SLC32A1: variants seen among roughly 807,000 people sequenced by gnomAD.
SLC32A1 encodes solute carrier family 32 member 1.
A neutral mutation model predicts 35.5 loss-of-function variants in SLC32A1; 8 were observed. The observed-to-expected ratio is 0.23, with a 90% CI of 0.13 to 0.41. The LOEUF (loss-of-function observed/expected upper bound fraction) is 0.41. Among genes scored for constraint, SLC32A1 ranks in the 10% least tolerant of loss-of-function variants. The pLI, the probability that SLC32A1 is intolerant of heterozygous loss-of-function variation, is 1.00. For synonymous variants in SLC32A1, 317 were observed against 326.3 expected (o/e 0.97, Z 0.31); for missense variants, 493 against 722.3 (o/e 0.68, Z 3.64).
rs756349613 is a variant in SLC32A1 at position 38,724,835 on chromosome 20, G to A, written c.111G>A (p.Thr37=). ...MFARMGFQAA[T]DEEAVGFAHC... is the part of the protein sequence containing the mutation. ...CCAGGATGGGTTTTCAGGCGGCCACGGATGAGGAGGCGGTGGGCTTCGCGC... is the reference window on the plus strand; with the variant it reads ...CCAGGATGGGTTTTCAGGCGGCCACAGATGAGGAGGCGGTGGGCTTCGCGC... Residue 37 remains threonine, a synonymous_variant, in exon 1 of 2, where the codon ACG becomes ACA. Coordinates refer to ENST00000217420, the MANE Select transcript of SLC32A1 (RefSeq NM_080552.3). The A allele has an allele frequency of 1.2e-5, 20 of 1,613,940 alleles. No individual in the cohort carries two copies. The highest frequency in any genetic ancestry group is 1.7e-5 in the Non-Finnish European group (20 of 1,179,992).
chr20:38,724,493 TA>T lies in SLC32A1; in HGVS notation c.-231del, dbSNP rs1232760672. 2.6e-5 allele frequency: 14 copies of T among 531,246 alleles called. No homozygotes were observed. The highest frequency in any genetic ancestry group is 5.1e-4 in the Middle Eastern group (1 of 1,944). 32.9% of individuals were successfully genotyped at this position (531,246 alleles called of 1,614,324 possible). On this transcript the variant is annotated 5_prime_UTR_variant, in exon 1 of 2. Transcript: ENST00000217420. ...GCCCCGCGGCAGCTCCGCAGTGCAC[TA>T]GCCACCACCGCCGCCGCCGCCGCTC...
Position 38,724,680 on chromosome 20 carries a change from G to A in SLC32A1, c.-45G>A, listed in dbSNP as rs1426036623. 1.3e-6 allele frequency: 2 copies of A among 1,538,128 alleles called. No homozygotes were observed. Among genetic ancestry groups the A allele is most frequent in the Non-Finnish European group, 1.7e-6 (2 of 1,146,158 alleles). ...CTCGCCTTCTTGCATCGCGTTCCCC[G>A]CATCCTCGGGTCCTTCTGTCCTTTC... On this transcript the variant is annotated 5_prime_UTR_variant, in exon 1 of 2. Coordinates refer to ENST00000217420, the MANE Select transcript of SLC32A1 (RefSeq NM_080552.3).
At chr20:38,727,430 T>G in intron 1 of SLC32A1, 22 bp from the exon 2 acceptor site, 1 of 1,597,596 alleles carries the variant, frequency 6.3e-7, no homozygotes, top group Non-Finnish European at 8.5e-7. Flanking sequence ...CGTCCGCGTC[T>G]GGTTGCCTCT....
chr20:38,729,001 GA>G lies in SLC32A1; in HGVS notation c.*363del, dbSNP rs1017580420. 5 of 236,956 alleles carry G rather than the reference GA, an allele frequency of 2.1e-5. No individual in the cohort carries two copies. The highest frequency in any genetic ancestry group is 3.3e-5 in the Non-Finnish European group (4 of 122,134). 14.7% of individuals were successfully genotyped at this position (236,956 alleles called of 1,614,324 possible). ...GCGCAGCTCGCAGGCGTGGCAACTT[GA>G]CCTTGGGGGAATATTTCACATCCAT... is the stretch of plus-strand genomic sequence containing the variant. On this transcript the variant is annotated 3_prime_UTR_variant, in exon 2 of 2. Coordinates refer to ENST00000217420, the MANE Select transcript of SLC32A1 (RefSeq NM_080552.3).
At position 38,726,656 on chromosome 20, in the gene SLC32A1, T is replaced by C. The variant is rs1299798787; in HGVS notation, c.391-796T>C. Among the ~76,000 whole-genome samples, 1 of 152,118 alleles carries C rather than the reference T, an allele frequency of 6.6e-6. No individual in the cohort carries two copies. Among genetic ancestry groups the C allele is most frequent in the Non-Finnish European group, 1.5e-5 (1 of 68,012 alleles). On this transcript the variant is annotated intron_variant, in intron 1 of 1. Coordinates refer to ENST00000217420, the MANE Select transcript of SLC32A1 (RefSeq NM_080552.3). The surrounding 1 kb of genome is among the most constrained non-coding windows in gnomAD (Gnocchi z 4.7). ...CCCTGGCGCCTTCCCGCCAAGCTCC[T>C]CCTCCTGCTTGCCTCCCCAGCCTCC...
chr20:38,728,662 G>T lies in SLC32A1; in HGVS notation c.*23G>T, dbSNP rs549741287. On this transcript the variant is annotated 3_prime_UTR_variant, in exon 2 of 2. Coordinates refer to ENST00000217420, the MANE Select transcript of SLC32A1 (RefSeq NM_080552.3). ...TAGGGCGCAAGGGCGAGCCCCCGCCGCGCTTCTGCGCTCTCTCCCTTCTCC... is the reference window on the plus strand; with the variant it reads ...TAGGGCGCAAGGGCGAGCCCCCGCCTCGCTTCTGCGCTCTCTCCCTTCTCC... The T allele has an allele frequency of 6.4e-7, 1 of 1,556,320 alleles. No individual in the cohort carries two copies. The highest frequency in any genetic ancestry group is 1.9e-5 in the Admixed American group (1 of 53,284).
At chr20:38,725,302 C>T (rs2084270971) in intron 1 of SLC32A1, among the ~76,000 whole-genome samples, 188 bp downstream of exon 1, 1 of 152,228 alleles carries the variant, frequency 6.6e-6, no homozygotes, top group African/African-American at 2.4e-5. Flanking sequence ...TCCGCCCTAA[C>T]CCACGCTCCC....
rs1249148333 is a variant in SLC32A1 at position 38,724,991 on chromosome 20, C to T, written c.267C>T (p.Ser89=). ...GAGACATCCATTATCAGCGAGGCAG[C>T]GGAGCTCCTCTGCCGCCCTCCGGCT... is the stretch of plus-strand genomic sequence containing the variant. The part of the protein sequence containing the change: ...VEGDIHYQRG[S]GAPLPPSGSK... Residue 89 remains serine (S), a synonymous_variant, in exon 1 of 2, where the codon AGC becomes AGT. Coordinates refer to ENST00000217420, the MANE Select transcript of SLC32A1 (RefSeq NM_080552.3). 1 of 1,585,214 alleles carries T rather than the reference C, an allele frequency of 6.3e-7. No individual in the cohort carries two copies. Among genetic ancestry groups the T allele is most frequent in the East Asian group, 2.3e-5 (1 of 44,312 alleles).
At position 38,728,027 on chromosome 20, in the gene SLC32A1, C is replaced by T. The variant is rs755192098; in HGVS notation, c.966C>T (p.Phe322=). 1 of 1,614,088 alleles carries T rather than the reference C, an allele frequency of 6.2e-7. No homozygotes were observed. The highest frequency in any genetic ancestry group is 1.7e-5 in the Admixed American group (1 of 60,034). ...TGTTCAGCTACACGTCTCAGATCTT[C>T]CTGCCTTCGCTGGAGGGCAATATGC... The part of the protein sequence containing the change: ...IIVFSYTSQI[F]LPSLEGNMQQ... The change falls in exon 2 of 2, where the codon TTC becomes TTT. Residue 322 remains phenylalanine (F), a synonymous_variant. Coordinates refer to ENST00000217420, the MANE Select transcript of SLC32A1 (RefSeq NM_080552.3).
At chr20:38,725,508 A>T (rs1458331123) in intron 1 of SLC32A1, among the ~76,000 whole-genome samples, 2 of 152,110 alleles carry the variant, frequency 1.3e-5, no homozygotes, top group African/African-American at 4.8e-5. Flanking sequence ...AGGAAAGAAG[A>T]AGGGGAAATC....
intron 1 of SLC32A1, 32 bp downstream of exon 1, chr20:38,725,146 T>G: frequency 6.7e-7 from 1 of 1,498,072 alleles, no homozygotes; most frequent in South Asian, 1.4e-5. Context: ...CTGCCTGTCC[T>G]CCCCCCTCCC....
At position 38,726,145 on chromosome 20, in the gene SLC32A1, G is replaced by A. The variant is rs1221834378; in HGVS notation, c.390+1031G>A. Among the ~76,000 whole-genome samples the A allele has an allele frequency of 6.6e-6, 1 of 152,240 alleles. No individual in the cohort carries two copies. The highest frequency in any genetic ancestry group is 2.4e-5 in the African/African-American group (1 of 41,458). On this transcript the variant is annotated intron_variant, in intron 1 of 1. Transcript: ENST00000217420. This position sits in a 1 kb window ranked among gnomAD's most constrained non-coding sequence, Gnocchi z 4.7. Reference sequence around the variant, plus strand: ...CCTCCGAGCTAGCAGGGGCTGGCAGGCCGCAGCTTTCTGGGCCGAAGGAGA... The same window carrying A: ...CCTCCGAGCTAGCAGGGGCTGGCAGACCGCAGCTTTCTGGGCCGAAGGAGA...
chr20:38,724,542 C>A lies in SLC32A1; in HGVS notation c.-183C>A. ...CTCCGCCAGACCTGCTGCCAGCTTG[C>A]CCGGTCCAGCCCTGAGAGAGCCTCG... is the stretch of plus-strand genomic sequence containing the variant. On this transcript the variant is annotated 5_prime_UTR_variant, in exon 1 of 2. Coordinates refer to ENST00000217420, the MANE Select transcript of SLC32A1 (RefSeq NM_080552.3). The A allele has an allele frequency of 2.7e-6, 2 of 738,798 alleles. No individual in the cohort carries two copies. Among genetic ancestry groups the A allele is most frequent in the Non-Finnish European group, 4.2e-6 (2 of 477,856 alleles). 45.8% of individuals were successfully genotyped at this position (738,798 alleles called of 1,614,324 possible).
At chr20:38,725,317 A>G (rs2084271078) in intron 1 of SLC32A1, among the ~76,000 whole-genome samples, 1 of 152,032 alleles carries the variant, frequency 6.6e-6, no homozygotes, top group Non-Finnish European at 1.5e-5. Flanking sequence ...GCTCCCTCCC[A>G]ACGGCACCAG....
At position 38,726,228 on chromosome 20, in the gene SLC32A1, GCACTAT is replaced by G. The variant is rs1203620494; in HGVS notation, c.390+1119_390+1124del. Among the ~76,000 whole-genome samples the G allele has an allele frequency of 7.9e-5, 12 of 152,306 alleles. No individual in the cohort carries two copies. The highest frequency in any genetic ancestry group is 2.0e-4 in the Admixed American group (3 of 15,308). On this transcript the variant is annotated intron_variant, in intron 1 of 1. Coordinates refer to ENST00000217420, the MANE Select transcript of SLC32A1 (RefSeq NM_080552.3). The surrounding 1 kb of genome is among the most constrained non-coding windows in gnomAD (Gnocchi z 4.7). ...CTTGGCCCCGCGGCGTCCCTGGAGC[GCACTAT>G]CACTGGGGCCACGGAAGGCAGGTTT...
chr20:38,728,135 C>T lies in SLC32A1; in HGVS notation c.1074C>T (p.Ala358=), dbSNP rs118044390. ...CVLKGLFALV[A]YLTWADETKE... ...TCAAGGGCCTCTTCGCGCTCGTCGC[C>T]TACCTCACCTGGGCCGACGAGACCA... The change falls in exon 2 of 2, where the codon GCC becomes GCT. Residue 358 remains alanine, a synonymous_variant. Transcript: ENST00000217420. 1.1e-5 allele frequency: 17 copies of T among 1,614,164 alleles called. No individual in the cohort carries two copies. In the East Asian group the frequency reaches 1.3e-4, roughly 13 times the overall value.
Position 38,726,190 on chromosome 20 carries a change from C to G in SLC32A1, c.390+1076C>G, listed in dbSNP as rs181828454. 7.4e-3 allele frequency among the ~76,000 whole-genome samples: 1,132 copies of G among 152,326 alleles called. 14 individuals carry two copies. Among genetic ancestry groups the G allele is most frequent in the African/African-American group, 0.026 (1,066 of 41,576 alleles). Reference sequence around the variant, plus strand: ...AGGAGACTTCAGCTCTAGGCAACCCCGGTCCCTTACAGCTTGGCCCCGCGG... The same window carrying G: ...AGGAGACTTCAGCTCTAGGCAACCCGGGTCCCTTACAGCTTGGCCCCGCGG... On this transcript the variant is annotated intron_variant, in intron 1 of 1. Coordinates refer to ENST00000217420, the MANE Select transcript of SLC32A1 (RefSeq NM_080552.3). This position sits in a 1 kb window ranked among gnomAD's most constrained non-coding sequence, Gnocchi z 4.7.
At position 38,728,242 on chromosome 20, in the gene SLC32A1, A is replaced by G; in HGVS notation, c.1181A>G (p.Tyr394Cys). 6.2e-7 allele frequency: 1 copy of G among 1,614,086 alleles called. No individual in the cohort carries two copies. Among genetic ancestry groups the G allele is most frequent in the Non-Finnish European group, 8.5e-7 (1 of 1,180,010 alleles). ...IFLVAKALLS[Y>C]PLPFFAAVEV... ...CTGGTGGCCAAGGCGCTGTTGTCCT[A>G]TCCTCTGCCATTCTTTGCCGCTGTC... Residue 394 changes from tyrosine to cysteine, a missense_variant, in exon 2 of 2, where the codon TAT (tyrosine) becomes TGT (cysteine). Physicochemically the swap from Tyr to Cys is radical, Grantham distance 194. This residue lies in a region of SLC32A1 where 269 missense variants were observed against 445.6 expected (regional missense o/e 0.60). Transcript: ENST00000217420.
At position 38,728,954 on chromosome 20, in the gene SLC32A1, G is replaced by A; in HGVS notation, c.*315G>A. On this transcript the variant is annotated 3_prime_UTR_variant, in exon 2 of 2. Transcript: ENST00000217420. ...CACTTTGGTTCCAGTCATCGAGGGG[G>A]TTGGGAAGGGAGGGAGAGGGGGCGC... 2 of 319,660 alleles carry A rather than the reference G, an allele frequency of 6.3e-6. No individual in the cohort carries two copies. Among genetic ancestry groups the A allele is most frequent in the Non-Finnish European group, 5.8e-6 (1 of 173,728 alleles). 19.8% of individuals were successfully genotyped at this position (319,660 alleles called of 1,614,324 possible). A position where few individuals can be genotyped will look rare whatever the true frequency, so the allele number is the denominator to read the frequency against.
Sources: gnomAD v4.1 joint callset for allele counts (sites outside exome capture counted in the v4.1 genomes callset) on GRCh38, gnomAD v4.1.1 for gene constraint, gnomAD v4.1.1 regional missense constraint, Gnocchi (gnomAD v3.1) non-coding constraint, MANE v1.5 for transcripts, NCBI Gene and HGNC (gene_info 2026-07-23, HGNC 2026-07-21) for gene names.